Variants in RAPGEF2 observed in about 807,000 individuals in gnomAD.
RAPGEF2 encodes PDZ domain containing guanine nucleotide exchange factor (GEF) 1.
RAPGEF2 carries 54 observed loss-of-function variants against 186.7 expected under a neutral mutation model. The ratio of observed to expected loss-of-function variants is 0.29; its 90% CI spans 0.23 to 0.36. The LOEUF (loss-of-function observed/expected upper bound fraction) is 0.36, where lower values mean the gene tolerates loss of function less well. Among genes scored for constraint, RAPGEF2 ranks in the 10% least tolerant of loss-of-function variants. The pLI is 1.00. For missense variants in RAPGEF2, 1,532 were observed against 2,045.0 expected (o/e 0.75, Z 4.84); for synonymous variants, 712 against 705.9 (o/e 1.01, Z -0.14).
Position 159,323,597 on chromosome 4 carries a change from A to C in RAPGEF2, c.1129A>C (p.Thr377Pro), listed in dbSNP as rs1285549789. The C allele has an allele frequency of 1.9e-6, 3 of 1,581,580 alleles. No homozygotes were observed. In the South Asian group the frequency reaches 3.5e-5, roughly 19 times the overall value. Residue 377 changes from threonine to proline, a missense_variant, in exon 11 of 30, where the codon ACA becomes CCA. Thr to Pro is a conservative substitution (Grantham distance 38). This residue lies in a region of RAPGEF2 where 810 missense variants were observed against 1,210.5 expected (regional missense o/e 0.67). Transcript: ENST00000691494. ...DKEYMKGVMR[T>P]KVDDCQFVCI... ...AGAATACATGAAAGGAGTGATGAGA[A>C]CAAAGGTGGATGACTGCCAGGTATA...
intron 1 of RAPGEF2, among the ~76,000 whole-genome samples, chr4:159,106,850 C>T (rs1036738971): frequency 1.3e-5 from 2 of 152,078 alleles, no homozygotes; most frequent in African/African-American, 4.8e-5. Context: ...AAGAAGTTGG[C>T]TAGAAGAGAA....
In RAPGEF2 at chr4:159,355,896, C is replaced by CCCCCAACAAT; in HGVS notation, c.4695_4696insCCCCAACAAT (p.Gly1566ProfsTer12). 1 of 1,555,922 alleles carries CCCCCAACAAT rather than the reference C, an allele frequency of 6.4e-7. No homozygotes were observed. The highest frequency in any genetic ancestry group is 8.7e-7 in the Non-Finnish European group (1 of 1,149,424). On this transcript the variant is annotated frameshift_variant, in exon 29 of 30. Transcript: ENST00000691494. LOFTEE classifies it high-confidence loss of function. ...ATCGAGAGCCCCCGCCCACCCCTCC[C>CCCCCAACAAT]GGCTACATTGGAATTCCCATTACTG...
chr4:159,319,945 C>G (rs1765041457), intron 9 of RAPGEF2, among the ~76,000 whole-genome samples: 1 of 152,116 alleles, frequency 6.6e-6, no homozygotes, highest in African/African-American at 2.4e-5. Flanking sequence ...ATTCTCTGAT[C>G]ATGTATGTGG....
chr4:159,169,948 GATCAT>G (rs1042869811), intron 1 of RAPGEF2, among the ~76,000 whole-genome samples: 8 of 152,204 alleles, frequency 5.3e-5, no homozygotes, highest in African/African-American at 1.9e-4. Flanking sequence ...GGGACCGCTT[GATCAT>G]ATGGTAGTCC....
intron 9 of RAPGEF2, among the ~76,000 whole-genome samples, chr4:159,319,006 A>G (rs900975527): frequency 6.6e-6 from 1 of 152,080 alleles, no homozygotes; most frequent in African/African-American, 2.4e-5. Flanking sequence ...TACAAAAGAA[A>G]ATTGTCCTGT....
chr4:159,316,388 C>T lies in RAPGEF2; in HGVS notation c.853+1620C>T, dbSNP rs778042896. ...ATTATACTGGAACAGCTCATGTCCT[C>T]GGTCTCTTGCCTCGGCACCTGGGTG... On this transcript the variant is annotated intron_variant, in intron 9 of 29. Coordinates refer to ENST00000691494, the MANE Select transcript of RAPGEF2 (RefSeq NM_001394067.2). 2.0e-5 allele frequency among the ~76,000 whole-genome samples: 3 copies of T among 152,240 alleles called. No individual in the cohort carries two copies. In the South Asian group the frequency reaches 6.2e-4, roughly 32 times the overall value.
intron 1 of RAPGEF2, among the ~76,000 whole-genome samples, chr4:159,153,682 C>T (rs1455828584): frequency 6.6e-6 from 1 of 152,144 alleles, no homozygotes; most frequent in Admixed American, 6.5e-5. Flanking sequence ...TATGTAGTGT[C>T]TCCTTCTTGC....
chr4:159,220,380 G>A (rs572609945), intron 4 of RAPGEF2, among the ~76,000 whole-genome samples: 11 of 152,182 alleles, frequency 7.2e-5, no homozygotes, highest in South Asian at 4.1e-4. Context: ...GGGATGGGGT[G>A]GGGGAGGTGT....
chr4:159,105,009 A>T (rs907048292), intron 1 of RAPGEF2, among the ~76,000 whole-genome samples: 2 of 152,178 alleles, frequency 1.3e-5, no homozygotes, highest in Admixed American at 6.5e-5. Context: ...TGTCAAAATT[A>T]GATAAGTTTG....
At chr4:159,330,552 A>ATTTTAATGT (rs1766545794) in intron 13 of RAPGEF2, 54 bp downstream of exon 13, 1 of 1,285,274 alleles carries the variant, frequency 7.8e-7, no homozygotes, top group Non-Finnish European at 1.1e-6. Flanking sequence ...ACCTAAAGAT[A>ATTTTAATGT]CTTTAATGTG....
chr4:159,286,333 A>G (rs1484063071), intron 7 of RAPGEF2, among the ~76,000 whole-genome samples: 3 of 152,116 alleles, frequency 2.0e-5, no homozygotes, highest in African/African-American at 7.2e-5. Context: ...CCAAGCTACC[A>G]TCGTCTCACT....
chr4:159,256,873 C>T (rs774566817), intron 7 of RAPGEF2, among the ~76,000 whole-genome samples: 9 of 152,010 alleles, frequency 5.9e-5, no homozygotes, highest in Non-Finnish European at 8.8e-5. Flanking sequence ...CCTTTGCCCA[C>T]TTTTTAATGG....
chr4:159,245,011 T>C (rs72699361), intron 7 of RAPGEF2, among the ~76,000 whole-genome samples: 1,711 of 152,156 alleles, frequency 0.011, 17 homozygotes, highest in Non-Finnish European at 0.016. Context: ...TATAACATGA[T>C]ATTTTAAAAG....
At chr4:159,329,769 T>C (rs1057479116) in intron 11 of RAPGEF2, 89 bp from the exon 12 acceptor site, 26 of 1,127,654 alleles carry the variant, frequency 2.3e-5, no homozygotes, top group Non-Finnish European at 3.1e-5. Context: ...AAAATGTCAG[T>C]TTTAAATAAT....
chr4:159,124,023 T>G (rs902118545), intron 1 of RAPGEF2, among the ~76,000 whole-genome samples: 1 of 151,564 alleles, frequency 6.6e-6, no homozygotes. Flanking sequence ...ACCCGGCTAA[T>G]TTTTGTATTT....
chr4:159,315,670 G>A (rs1026118544), intron 9 of RAPGEF2, among the ~76,000 whole-genome samples: 2 of 152,176 alleles, frequency 1.3e-5, no homozygotes, highest in African/African-American at 4.8e-5. Flanking sequence ...GGCCACTTGG[G>A]TCACGTGTCC....
chr4:159,144,995 T>G (rs530869052), intron 1 of RAPGEF2, among the ~76,000 whole-genome samples: 11 of 149,086 alleles, frequency 7.4e-5, no homozygotes, highest in Admixed American at 1.4e-4. Context: ...CTCAGGTGAT[T>G]CTCCCACCTC....
At chr4:159,198,808 ATTATGCTTATGTG>A (rs1468289832) in intron 3 of RAPGEF2, among the ~76,000 whole-genome samples, 3 of 151,792 alleles carry the variant, frequency 2.0e-5, no homozygotes, top group Non-Finnish European at 2.9e-5. Context: ...TCCTAATTTT[ATTATGCTTATGTG>A]TGTACATAAA....
At chr4:159,264,512 C>A (rs545731592) in intron 7 of RAPGEF2, among the ~76,000 whole-genome samples, 3 of 152,068 alleles carry the variant, frequency 2.0e-5, no homozygotes, top group Admixed American at 1.3e-4. Flanking sequence ...TTGTGGGACA[C>A]GGGCCAGATG....
Sources: allele counts gnomAD v4.1 joint callset (sites outside exome capture counted in the v4.1 genomes callset), GRCh38; gene constraint gnomAD v4.1.1; regional missense constraint gnomAD v4.1.1; transcripts MANE v1.5; gene names NCBI Gene and HGNC (gene_info 2026-07-23, HGNC 2026-07-21).